Variants in PABIR2 observed in about 807,000 individuals in gnomAD.
PABIR2 encodes family with sequence similarity 122B.
Under a neutral mutation model 22.8 loss-of-function variants are expected in PABIR2, and 7 were observed. The ratio of observed to expected loss-of-function variants is 0.31; its 90% CI spans 0.17 to 0.58. The LOEUF (loss-of-function observed/expected upper bound fraction) is 0.58, where lower values mean the gene tolerates loss of function less well. Among genes scored for constraint, PABIR2 ranks in the 20% least tolerant of loss-of-function variants. The pLI is 0.89. For synonymous variants in PABIR2, 67 were observed against 73.8 expected, an observed-to-expected ratio of 0.91 and a Z score of 0.47; for missense variants, 155 against 205.1, an observed-to-expected ratio of 0.76 and a Z score of 1.49.
rs753109606 is a variant in PABIR2 at position 134,771,247 on chromosome X, A to T, written c.*892T>A. 124 of 1,130,976 alleles carry T rather than the reference A, an allele frequency of 1.1e-4. No homozygotes were observed. The highest frequency in any genetic ancestry group is 1.4e-4 in the Non-Finnish European group (123 of 860,011). 93.2% of individuals were successfully genotyped at this position (1,130,976 alleles called of 1,213,427 possible). A position where few individuals can be genotyped will look rare whatever the true frequency, so the allele number is the denominator to read the frequency against. On this transcript the variant is annotated 3_prime_UTR_variant, in exon 10 of 10. Coordinates refer to ENST00000343004, the MANE Select transcript of PABIR2 (RefSeq NM_001387468.1). ...TACCACTCGAGACACTGACAGCTCC[A>T]TGGACGCTTTTGTACACAGTGGTTT...
chrX:134,794,448 T>A (rs1382235365), intron 1 of PABIR2, among the ~76,000 whole-genome samples: 3 of 111,355 alleles, frequency 2.7e-5, no homozygotes, highest in African/African-American at 9.8e-5. Flanking sequence ...CAACATCTAT[T>A]AAAATCCTTC....
chrX:134,795,630 A>C (rs1404703680), intron 1 of PABIR2, among the ~76,000 whole-genome samples: 1 of 112,407 alleles, frequency 8.9e-6, no homozygotes, highest in Non-Finnish European at 1.9e-5. Flanking sequence ...GCAAATCCAA[A>C]TCACGTACTA....
chrX:134,787,613 T>A, intron 6 of PABIR2, 80 bp from the exon 7 acceptor site: 29 of 445,847 alleles, frequency 6.5e-5, no homozygotes, highest in East Asian at 7.7e-5. Context: ...TTTCTTTCTT[T>A]TTTTTTTTTT....
At chrX:134,777,866 GT>G (rs1331049422) in intron 9 of PABIR2, among the ~76,000 whole-genome samples, 1 of 100,653 alleles carries the variant, frequency 9.9e-6, no homozygotes. Context: ...GCAGGATCCA[GT>G]TTTTGTTTGT....
intron 9 of PABIR2, among the ~76,000 whole-genome samples, chrX:134,779,875 TAG>T (rs2079112089): frequency 8.9e-6 from 1 of 112,438 alleles, no homozygotes; most frequent in African/African-American, 3.2e-5. Context: ...CCACTAAGGA[TAG>T]AGTTTCATCC....
intron 9 of PABIR2, among the ~76,000 whole-genome samples, chrX:134,774,357 T>C (rs1208000371): frequency 3.6e-5 from 4 of 111,987 alleles, no homozygotes; most frequent in Non-Finnish European, 7.5e-5. Context: ...AAAGCACATA[T>C]TGGCCGGGCA....
At chrX:134,786,435 T>C (rs1051953624) in intron 7 of PABIR2, among the ~76,000 whole-genome samples, 2 of 110,749 alleles carry the variant, frequency 1.8e-5, no homozygotes, top group African/African-American at 6.6e-5. Flanking sequence ...GGAGAATCAC[T>C]TGAACCCGGG....
chrX:134,779,727 C>T (rs963433859), intron 9 of PABIR2, among the ~76,000 whole-genome samples: 1 of 112,856 alleles, frequency 8.9e-6, no homozygotes, highest in South Asian at 3.6e-4. Flanking sequence ...TCACCTCACC[C>T]TGTATGTTTT....
Position 134,771,833 on chromosome X carries a change from T to C in PABIR2, c.*306A>G. 1.2e-6 allele frequency: 1 copy of C among 861,589 alleles called. No homozygotes were observed. Among genetic ancestry groups the C allele is most frequent in the Non-Finnish European group, 1.4e-6 (1 of 708,586 alleles). 71.0% of individuals were successfully genotyped at this position (861,589 alleles called of 1,213,427 possible). A position where few individuals can be genotyped will look rare whatever the true frequency, so the allele number is the denominator to read the frequency against. On this transcript the variant is annotated 3_prime_UTR_variant, in exon 10 of 10. Coordinates refer to ENST00000343004, the MANE Select transcript of PABIR2 (RefSeq NM_001387468.1). Reference sequence around the variant, plus strand: ...TACACATCAGTGCCTTTCTTAAATGTATAGACTCAAAATAGGTGTTTTTTG... The same window carrying C: ...TACACATCAGTGCCTTTCTTAAATGCATAGACTCAAAATAGGTGTTTTTTG...
intron 9 of PABIR2, 101 bp from the exon 10 acceptor site, chrX:134,772,384 T>C: frequency 1.2e-6 from 1 of 832,624 alleles, no homozygotes. Flanking sequence ...GTAAATCACT[T>C]GTAAATAATA....
chrX:134,794,090 T>C (rs2079629349), intron 1 of PABIR2, 197 bp from the exon 2 acceptor site: 1 of 691,622 alleles, frequency 1.4e-6, no homozygotes, highest in African/African-American at 2.4e-5. Context: ...GGATTATGGG[T>C]TTGCAGAGAT....
chrX:134,786,151 A>G (rs2079307067), intron 7 of PABIR2, among the ~76,000 whole-genome samples: 2 of 112,368 alleles, frequency 1.8e-5, no homozygotes, highest in African/African-American at 6.5e-5. Context: ...CAGCATTTTA[A>G]GTCCTTTAAA....
rs945549052 is a variant in PABIR2 at position 134,769,579 on chromosome X, T to G, written c.*2560A>C. The G allele has an allele frequency of 8.9e-6, 1 of 112,121 alleles. No homozygotes were observed. Among genetic ancestry groups the G allele is most frequent in the African/African-American group, 3.2e-5 (1 of 30,850 alleles). The allele number at this position is 112,121 out of a possible 1,213,427, so 9.2% of individuals were successfully genotyped here. A position where few individuals can be genotyped will look rare whatever the true frequency, so the allele number is the denominator to read the frequency against. On this transcript the variant is annotated 3_prime_UTR_variant, in exon 10 of 10. Coordinates refer to ENST00000343004, the MANE Select transcript of PABIR2 (RefSeq NM_001387468.1). ...TTAAAACACTAGTAAATTTTATGCA[T>G]GTATACACACTTTATTAAATTTGCA...
chrX:134,789,551 T>C (rs1451388205), intron 3 of PABIR2, 29 bp downstream of exon 3: 21 of 1,134,188 alleles, frequency 1.9e-5, no homozygotes, highest in Middle Eastern at 2.4e-4. Context: ...CCAAAAAATT[T>C]CCAATCTGAG....
At position 134,786,784 on chromosome X, in the gene PABIR2, C is replaced by G. The variant is rs147110500; in HGVS notation, c.497+688G>C. Among the ~76,000 whole-genome samples, 987 of 110,120 alleles carry G rather than the reference C, an allele frequency of 9.0e-3. 10 individuals carry two copies. The highest frequency in any genetic ancestry group is 0.03 in the African/African-American group (916 of 30,267). ...TGGCCAACATGGTGAAACCCTATCT[C>G]TACTAAAAATACAAAAATTAGCCGA... On this transcript the variant is annotated intron_variant, in intron 7 of 9. Coordinates refer to ENST00000343004, the MANE Select transcript of PABIR2 (RefSeq NM_001387468.1).
intron 6 of PABIR2, among the ~76,000 whole-genome samples, chrX:134,787,776 C>T (rs943657416): frequency 1.9e-5 from 2 of 104,456 alleles, no homozygotes; most frequent in Non-Finnish European, 3.9e-5. Context: ...CCACCATGCC[C>T]GACTAATTTT....
chrX:134,789,893 AC>A (rs956001646), intron 2 of PABIR2, among the ~76,000 whole-genome samples: 15 of 112,061 alleles, frequency 1.3e-4, no homozygotes, highest in Non-Finnish European at 2.4e-4. Context: ...ATGTGAAGCT[AC>A]GTAAATTTAG....
At chrX:134,787,796 AT>A (rs1176576789) in intron 6 of PABIR2, among the ~76,000 whole-genome samples, 464 of 91,820 alleles carry the variant, frequency 5.1e-3, no homozygotes, top group African/African-American at 7.6e-3. Flanking sequence ...TTTTGTATCT[AT>A]TTTTTTTTTT....
chrX:134,785,097 T>C (rs945766600), intron 8 of PABIR2, among the ~76,000 whole-genome samples: 2 of 112,029 alleles, frequency 1.8e-5, no homozygotes, highest in Non-Finnish European at 3.8e-5. Context: ...TTTTTGAATA[T>C]ATAATGATAA....
Sources: allele counts gnomAD v4.1 joint callset (sites outside exome capture counted in the v4.1 genomes callset), GRCh38; gene constraint gnomAD v4.1.1; transcripts MANE v1.5; gene names NCBI Gene and HGNC (gene_info 2026-07-23, HGNC 2026-07-21).